Variants in GALNT18 observed in about 807,000 individuals in gnomAD.
GALNT18 encodes polypeptide N-acetylgalactosaminyltransferase 18, also known as GalNAc-transferase 18.
In GALNT18, 44 loss-of-function variants were observed where a neutral mutation model predicts 69.5. The ratio of observed to expected loss-of-function variants is 0.63; its 90% CI spans 0.50 to 0.81. GALNT18 has a LOEUF of 0.81. GALNT18 is among the 40% of genes least tolerant of loss of function. The pLI, the probability that GALNT18 is intolerant of heterozygous loss-of-function variation, is 0.00. For synonymous variants in GALNT18, 364 were observed against 318.2 expected (o/e 1.14, Z -1.53); for missense variants, 715 against 810.0 (o/e 0.88, Z 1.42).
chr11:11,427,748 A>C (rs1047483211), intron 3 of GALNT18, among the ~76,000 whole-genome samples: 4 of 152,170 alleles, frequency 2.6e-5, no homozygotes, highest in Non-Finnish European at 4.4e-5. Flanking sequence ...GCTACTTGTC[A>C]GCTGTTGTCA....
intron 2 of GALNT18, 125 bp downstream of exon 2, chr11:11,448,619 C>A (rs1855714837): frequency 2.9e-6 from 2 of 697,326 alleles, no homozygotes; most frequent in African/African-American, 3.7e-5. Context: ...AGGGGACAGG[C>A]CCTGGCTGAA....
At chr11:11,305,873 C>T (rs4451722) in intron 9 of GALNT18, among the ~76,000 whole-genome samples, 96,181 of 152,008 alleles carry the variant, frequency 0.63, 30,955 homozygotes, top group Admixed American at 0.76. Context: ...TTGAATCAAG[C>T]AATGTGTTAA....
chr11:11,338,152 G>C lies in GALNT18; in HGVS notation c.1278+2667C>G, dbSNP rs944892934. On this transcript the variant is annotated intron_variant, in intron 7 of 10. Transcript: ENST00000227756. This position sits in a 1 kb window ranked among gnomAD's most constrained non-coding sequence, Gnocchi z 5.3. ...CTGGCTAATTTTTGTATTTTTAGTA[G>C]AGATGGGGTTTCACCATGTTGGCCA... is the stretch of plus-strand genomic sequence containing the variant. 5.3e-5 allele frequency among the ~76,000 whole-genome samples: 8 copies of C among 151,688 alleles called. No homozygotes were observed. The highest frequency in any genetic ancestry group is 6.6e-5 in the Admixed American group (1 of 15,238).
At chr11:11,615,777 G>T (rs1860027914) in intron 1 of GALNT18, among the ~76,000 whole-genome samples, 1 of 152,204 alleles carries the variant, frequency 6.6e-6, no homozygotes, top group Admixed American at 6.5e-5. Context: ...TACAGGCAGA[G>T]TCTGGGAGAC....
At chr11:11,443,080 G>C (rs1855568231) in intron 2 of GALNT18, among the ~76,000 whole-genome samples, 2 of 152,304 alleles carry the variant, frequency 1.3e-5, no homozygotes, top group East Asian at 3.9e-4. Context: ...TGTGCCCCTT[G>C]TTTGGAAACA....
chr11:11,411,455 C>G (rs1247928152), intron 3 of GALNT18, among the ~76,000 whole-genome samples: 11 of 152,220 alleles, frequency 7.2e-5, no homozygotes, highest in Admixed American at 7.2e-4. Context: ...CCCACAGAAT[C>G]TAGTACAGCT....
At chr11:11,549,025 G>A (rs534080938) in intron 1 of GALNT18, among the ~76,000 whole-genome samples, 4 of 152,300 alleles carry the variant, frequency 2.6e-5, no homozygotes, top group Admixed American at 6.5e-5. Context: ...AAATTTTGGC[G>A]TGCCTATGTA....
chr11:11,488,993 C>A (rs567606276), intron 1 of GALNT18, among the ~76,000 whole-genome samples: 146 of 152,298 alleles, frequency 9.6e-4, no homozygotes, highest in African/African-American at 3.3e-3. Flanking sequence ...AAAAGAAGGG[C>A]TTAGTCAGCC....
chr11:11,416,922 C>A (rs1854879377), intron 3 of GALNT18, among the ~76,000 whole-genome samples: 2 of 152,224 alleles, frequency 1.3e-5, no homozygotes, highest in South Asian at 4.1e-4. Context: ...TGCTCCTGGG[C>A]AGAGTCCTGC....
At chr11:11,464,483 G>A (rs1856114745) in intron 1 of GALNT18, among the ~76,000 whole-genome samples, 1 of 152,298 alleles carries the variant, frequency 6.6e-6, no homozygotes, top group South Asian at 2.1e-4. Context: ...GGAGGCATGG[G>A]CCCAGATCTA....
Position 11,500,427 on chromosome 11 carries a change from A to G in GALNT18, c.236-51491T>C, listed in dbSNP as rs1289136057. 1.3e-5 allele frequency among the ~76,000 whole-genome samples: 2 copies of G among 152,212 alleles called. No individual in the cohort carries two copies. Among genetic ancestry groups the G allele is most frequent in the African/African-American group, 4.8e-5 (2 of 41,456 alleles). On this transcript the variant is annotated intron_variant, in intron 1 of 10. Coordinates refer to ENST00000227756, the MANE Select transcript of GALNT18 (RefSeq NM_198516.3). The surrounding 1 kb of genome is among the most constrained non-coding windows in gnomAD (Gnocchi z 5.0). ...GTGGTGATGGTAACACCTACCTCAC[A>G]GGATTGTGGAGGCTTAAATGAGTTC... is the stretch of plus-strand genomic sequence containing the variant.
rs1213246055 is a variant in GALNT18, at chr11:11,614,696, A to G, written c.235+6663T>C. Among the ~76,000 whole-genome samples the G allele has an allele frequency of 6.6e-6, 1 of 152,234 alleles. No homozygotes were observed. The highest frequency in any genetic ancestry group is 1.5e-5 in the Non-Finnish European group (1 of 68,038). ...ATCCCATAAATACCTTTGGGAAAAC[A>G]TAGGCCAGCCTAACCCAAGTGACTA... On this transcript the variant is annotated intron_variant, in intron 1 of 10. Coordinates refer to ENST00000227756, the MANE Select transcript of GALNT18 (RefSeq NM_198516.3). This position sits in a 1 kb window ranked among gnomAD's most constrained non-coding sequence, Gnocchi z 5.6.
In GALNT18 at chr11:11,430,417, C is replaced by T. The variant is rs1855239600; in HGVS notation, c.595+2204G>A. 6.6e-6 allele frequency among the ~76,000 whole-genome samples: 1 copy of T among 152,198 alleles called. No homozygotes were observed. Among genetic ancestry groups the T allele is most frequent in the African/African-American group, 2.4e-5 (1 of 41,444 alleles). On this transcript the variant is annotated intron_variant, in intron 3 of 10. Coordinates refer to ENST00000227756, the MANE Select transcript of GALNT18 (RefSeq NM_198516.3). This position sits in a 1 kb window ranked among gnomAD's most constrained non-coding sequence, Gnocchi z 4.9. ...TCGGATCTCTCCTTACATAGGCAGG[C>T]ACTGGTTTGGGTGTGCATATACAGC...
At chr11:11,375,580 G>C (rs1853727121) in intron 5 of GALNT18, among the ~76,000 whole-genome samples, 1 of 152,240 alleles carries the variant, frequency 6.6e-6, no homozygotes, top group African/African-American at 2.4e-5. Flanking sequence ...ACTAGCCACT[G>C]AGTCTAGCTT....
At chr11:11,490,220 CTCTCTCTCTCTCTA>C (rs1361818228) in intron 1 of GALNT18, among the ~76,000 whole-genome samples, 1 of 50,702 alleles carries the variant, frequency 2.0e-5, no homozygotes, top group African/African-American at 6.4e-5. Context: ...CTCTCTCTCT[CTCTCTCTCTCTCTA>C]ACACACACAC....
chr11:11,302,902 T>G (rs533772636), intron 9 of GALNT18, among the ~76,000 whole-genome samples: 2 of 152,264 alleles, frequency 1.3e-5, no homozygotes, highest in Non-Finnish European at 2.9e-5. Flanking sequence ...AAGACCATCA[T>G]CAGATGTGGA....
At chr11:11,325,456 A>G (rs1849901276) in intron 9 of GALNT18, among the ~76,000 whole-genome samples, 1 of 152,318 alleles carries the variant, frequency 6.6e-6, no homozygotes, top group African/African-American at 2.4e-5. Context: ...AGCAATCACC[A>G]CTAAAGAACT....
Position 11,315,056 on chromosome 11 carries a change from GTGTGTGTA to G in GALNT18, c.1512+12022_1512+12029del, listed in dbSNP as rs796120156. On this transcript the variant is annotated intron_variant, in intron 9 of 10. Transcript: ENST00000227756. This position sits in a 1 kb window ranked among gnomAD's most constrained non-coding sequence, Gnocchi z 5.6. ...TAATTATATGTGTGTGTGTGTGTGT[GTGTGTGTA>G]TGTGTGTATATATGTGTACATACAG... 7.3e-5 allele frequency among the ~76,000 whole-genome samples: 11 copies of G among 150,318 alleles called. No homozygotes were observed. The highest frequency in any genetic ancestry group is 2.5e-4 in the African/African-American group (10 of 40,380).
rs1858589316 is a variant in GALNT18 at position 11,564,326 on chromosome 11, T to A, written c.235+57033A>T. 6.6e-6 allele frequency among the ~76,000 whole-genome samples: 1 copy of A among 152,236 alleles called. No homozygotes were observed. The highest frequency in any genetic ancestry group is 2.1e-4 in the South Asian group (1 of 4,822). The stretch of plus-strand genomic sequence containing the variant: ...GGTCCTAGAATGACAGGCACATACA[T>A]CCCTGGGAGTCTACATTCTGCTGGC... On this transcript the variant is annotated intron_variant, in intron 1 of 10. Transcript: ENST00000227756. The surrounding 1 kb of genome is among the most constrained non-coding windows in gnomAD (Gnocchi z 4.3).
Sources: gnomAD v4.1 joint callset for allele counts (sites outside exome capture counted in the v4.1 genomes callset) on GRCh38, gnomAD v4.1.1 for gene constraint, Gnocchi (gnomAD v3.1) non-coding constraint, MANE v1.5 for transcripts, NCBI Gene and HGNC (gene_info 2026-07-23, HGNC 2026-07-21) for gene names.